The following C1orf105 variants were observed in gnomAD, a reference collection of about 807,000 sequenced individuals.
The protein encoded by C1orf105 is uncharacterized protein C1orf105.
Under a neutral mutation model 20.8 loss-of-function variants are expected in C1orf105, and 17 were observed. The observed-to-expected ratio is 0.82, with a 90% CI of 0.56 to 1.23. The LOEUF is 1.23. Ranked by LOEUF, C1orf105 falls within the 50% of genes most tolerant of loss-of-function variation. C1orf105 has a pLI of 0.00. For missense variants in C1orf105, 219 were observed against 213.5 expected (o/e 1.03, Z -0.16); for synonymous variants, 72 against 72.1 (o/e 1.00, Z 0.01).
intron 1 of C1orf105, among the ~76,000 whole-genome samples, chr1:172,434,878 G>A (rs1005692073): frequency 1.3e-5 from 2 of 151,870 alleles, no homozygotes; most frequent in Admixed American, 1.3e-4. Flanking sequence ...GAAAAGAGAA[G>A]AATCAAATAG....
At chr1:172,434,522 G>C (rs2071975039) in intron 1 of C1orf105, among the ~76,000 whole-genome samples, 1 of 152,182 alleles carries the variant, frequency 6.6e-6, no homozygotes, top group South Asian at 2.1e-4. Flanking sequence ...ATAACAAAAT[G>C]AAGGCAGAAA....
intron 3 of C1orf105, 36 bp from the exon 4 acceptor site, chr1:172,456,379 A>G (rs1338121719): frequency 1.9e-6 from 3 of 1,581,442 alleles, no homozygotes; most frequent in Admixed American, 3.3e-5. Flanking sequence ...ATGCCCCACC[A>G]TTTCCTCACC....
intron 1 of C1orf105, chr1:172,441,359 ACACAC>A (rs1406020087): frequency 1.9e-4 from 2 of 10,736 alleles, no homozygotes; most frequent in African/African-American, 2.8e-4. Context: ...CTTTACACAC[ACACAC>A]ACACACACAC....
chr1:172,459,678 T>C (rs1226585237), intron 4 of C1orf105, among the ~76,000 whole-genome samples: 3 of 152,138 alleles, frequency 2.0e-5, no homozygotes, highest in Non-Finnish European at 4.4e-5. Context: ...AGTTACCATA[T>C]GACCCAGCAA....
chr1:172,460,421 GTC>G (rs892263125), intron 4 of C1orf105, among the ~76,000 whole-genome samples: 9 of 152,018 alleles, frequency 5.9e-5, no homozygotes, highest in African/African-American at 2.2e-4. Flanking sequence ...GTTTCATCAT[GTC>G]TCTGCTCCAA....
intron 1 of C1orf105, among the ~76,000 whole-genome samples, 187 bp downstream of exon 1, chr1:172,421,093 G>A (rs1214088825): frequency 1.3e-5 from 2 of 152,162 alleles, no homozygotes; most frequent in African/African-American, 4.8e-5. Flanking sequence ...ATTTTAATGG[G>A]TTTGGGGCAT....
chr1:172,463,143 A>G (rs545447473), intron 5 of C1orf105, among the ~76,000 whole-genome samples: 2 of 152,228 alleles, frequency 1.3e-5, no homozygotes, highest in South Asian at 4.1e-4. Context: ...CTCTGTTTTT[A>G]CTTTATTACA....
At chr1:172,430,268 T>C in intron 1 of C1orf105, 1 of 696,812 alleles carries the variant, frequency 1.4e-6, no homozygotes, top group Admixed American at 2.1e-5. Flanking sequence ...ACTGTCATAC[T>C]ACTTTATACC....
chr1:172,467,902 G>A (rs1650175036), intron 6 of C1orf105, among the ~76,000 whole-genome samples: 1 of 152,142 alleles, frequency 6.6e-6, no homozygotes, highest in African/African-American at 2.4e-5. Context: ...ATAGGGTAAG[G>A]ATTTTAAATA....
At chr1:172,446,920 T>C (rs1198642883) in intron 2 of C1orf105, among the ~76,000 whole-genome samples, 1 of 152,198 alleles carries the variant, frequency 6.6e-6, no homozygotes, top group Non-Finnish European at 1.5e-5. Flanking sequence ...CTCATCGCTA[T>C]TCTGGGAGGA....
chr1:172,458,998 A>C (rs2149188842), intron 4 of C1orf105, among the ~76,000 whole-genome samples: 1 of 152,330 alleles, frequency 6.6e-6, no homozygotes, highest in South Asian at 2.1e-4. Context: ...TACATGCAAA[A>C]GAATGAATTT....
At position 172,448,426 on chromosome 1, in the gene C1orf105, G is replaced by C. The variant is rs1183663870; in HGVS notation, c.108-15G>C. 2.6e-6 allele frequency: 4 copies of C among 1,567,270 alleles called. No individual in the cohort carries two copies. On this transcript the variant is annotated splice_polypyrimidine_tract_variant and intron_variant, in intron 2 of 6. Transcript: ENST00000367727. ...GGGACTGCGGTTCTAACGTTCTCTT[G>C]TTTTAATTACTTAGATATCCTCATA...
chr1:172,465,291 C>T lies in C1orf105; in HGVS notation c.342-8C>T, dbSNP rs1649962763. ...TGACTAATGTGTTTTCTTGTTTCTT[C>T]CAATCAGAATGAGTCTTCATCAACC... On this transcript the variant is annotated splice_region_variant and splice_polypyrimidine_tract_variant and intron_variant, in intron 5 of 6. Coordinates refer to ENST00000367727, the MANE Select transcript of C1orf105 (RefSeq NM_139240.4). 6.2e-7 allele frequency: 1 copy of T among 1,604,076 alleles called. No individual in the cohort carries two copies.
intron 2 of C1orf105, among the ~76,000 whole-genome samples, chr1:172,447,277 G>C (rs1648118182): frequency 6.6e-6 from 1 of 152,208 alleles, no homozygotes; most frequent in South Asian, 2.1e-4. Flanking sequence ...AATATGCTCA[G>C]AGTAATTCCA....
At chr1:172,426,289 T>C (rs1478966714) in intron 1 of C1orf105, among the ~76,000 whole-genome samples, 1 of 152,170 alleles carries the variant, frequency 6.6e-6, no homozygotes, top group Non-Finnish European at 1.5e-5. Flanking sequence ...TCATTTTTTG[T>C]TTTGTTTTCA....
chr1:172,461,820 G>T (rs1649712366), intron 4 of C1orf105, among the ~76,000 whole-genome samples: 1 of 152,150 alleles, frequency 6.6e-6, no homozygotes, highest in Non-Finnish European at 1.5e-5. Flanking sequence ...GATCCAGGAG[G>T]CCCTAAGAAC....
chr1:172,442,470 C>T, intron 1 of C1orf105: 1 of 1,614,178 alleles, frequency 6.2e-7, no homozygotes, highest in Non-Finnish European at 8.5e-7. Flanking sequence ...ACTCAAATAC[C>T]ACAGCCCAAT....
intron 5 of C1orf105, among the ~76,000 whole-genome samples, chr1:172,463,024 G>A (rs6669286): frequency 0.24 from 36,897 of 151,842 alleles, 4,688 homozygotes; most frequent in South Asian, 0.41. Flanking sequence ...TGATCTGCCC[G>A]CCTCGGCCTC....
chr1:172,451,479 C>T (rs566812859), intron 3 of C1orf105, among the ~76,000 whole-genome samples: 1 of 152,330 alleles, frequency 6.6e-6, no homozygotes, highest in Non-Finnish European at 1.5e-5. Flanking sequence ...ATTTCTCTCA[C>T]ATTGACTAAA....
Sources: allele counts gnomAD v4.1 joint callset (sites outside exome capture counted in the v4.1 genomes callset), GRCh38; gene constraint gnomAD v4.1.1; transcripts MANE v1.5; gene names NCBI Gene and HGNC (gene_info 2026-07-23, HGNC 2026-07-21).